ATL1: variants seen among roughly 807,000 people sequenced by gnomAD.
ATL1 encodes the protein atlastin-1.
ATL1 carries 31 observed loss-of-function variants against 75.5 expected under a neutral mutation model. That is an observed-to-expected ratio of 0.41 (90% CI 0.31 to 0.55). The LOEUF is 0.55. Ranked by LOEUF, ATL1 falls within the 20% of genes least tolerant of loss-of-function variation. The pLI is 0.27. For synonymous variants in ATL1, 226 were observed against 233.3 expected, an observed-to-expected ratio of 0.97 and a Z score of 0.28; for missense variants, 405 against 662.6, an observed-to-expected ratio of 0.61 and a Z score of 4.27.
chr14:50,544,506 G>A (rs567606513), intron 1 of ATL1, among the ~76,000 whole-genome samples: 42 of 152,280 alleles, frequency 2.8e-4, no homozygotes, highest in Non-Finnish European at 4.6e-4. Context: ...GTGCTTCTAG[G>A]AAGGTTTTCC....
At chr14:50,624,540 T>C (rs1462412875) in intron 11 of ATL1, among the ~76,000 whole-genome samples, 1 of 151,974 alleles carries the variant, frequency 6.6e-6, no homozygotes, top group East Asian at 1.9e-4. Context: ...TCTGCAGTCC[T>C]TTCTTTTACC....
chr14:50,567,028 T>C (rs1248342895), intron 1 of ATL1, among the ~76,000 whole-genome samples: 1 of 152,214 alleles, frequency 6.6e-6, no homozygotes, highest in Non-Finnish European at 1.5e-5. Context: ...GTGATACTAG[T>C]ACACAAGTAA....
At chr14:50,603,378 A>G (rs2039288840) in intron 6 of ATL1, among the ~76,000 whole-genome samples, 1 of 152,218 alleles carries the variant, frequency 6.6e-6, no homozygotes, top group African/African-American at 2.4e-5. Context: ...AGATAAAGGT[A>G]AAAACTCAAT....
intron 1 of ATL1, among the ~76,000 whole-genome samples, chr14:50,582,590 G>GTT (rs35684925): frequency 2.9e-5 from 4 of 139,724 alleles, no homozygotes; most frequent in Admixed American, 7.2e-5. Context: ...TTGTGTTGTT[G>GTT]TTTTTTTTTT....
chr14:50,579,227 T>C (rs147461174), intron 1 of ATL1, among the ~76,000 whole-genome samples: 3 of 152,182 alleles, frequency 2.0e-5, no homozygotes, highest in Non-Finnish European at 2.9e-5. Flanking sequence ...ATTCAATGGA[T>C]TTAGCATCAT....
chr14:50,628,713 C>A, intron 12 of ATL1: 1 of 549,022 alleles, frequency 1.8e-6, no homozygotes, highest in Non-Finnish European at 3.4e-6. Flanking sequence ...AGTATATATA[C>A]TTTTTTTTCT....
intron 13 of ATL1, among the ~76,000 whole-genome samples, chr14:50,631,839 C>T (rs1345151011): frequency 6.6e-6 from 1 of 152,180 alleles, no homozygotes; most frequent in East Asian, 1.9e-4. Flanking sequence ...GCCCAGAAAG[C>T]AAGTAGCCTA....
chr14:50,542,212 A>G (rs1030174683), intron 1 of ATL1, among the ~76,000 whole-genome samples: 1 of 147,570 alleles, frequency 6.8e-6, no homozygotes, highest in African/African-American at 2.5e-5. Context: ...GTTCTCACTC[A>G]TAAGTGAGAG....
chr14:50,586,325 A>C (rs1302771127), intron 1 of ATL1, among the ~76,000 whole-genome samples: 1 of 152,204 alleles, frequency 6.6e-6, no homozygotes, highest in Non-Finnish European at 1.5e-5. Flanking sequence ...CAGCTGGATG[A>C]GATGAGACTG....
intron 1 of ATL1, among the ~76,000 whole-genome samples, chr14:50,576,937 G>A (rs950871130): frequency 4.6e-5 from 7 of 151,032 alleles, no homozygotes; most frequent in Admixed American, 3.9e-4. Context: ...CAAATAATGA[G>A]TCGAGTACAT....
rs763509651 is a variant in ATL1, at chr14:50,632,211, T to C, written c.1567-18T>C. 15 of 1,571,834 alleles carry C rather than the reference T, an allele frequency of 9.5e-6. No homozygotes were observed. The highest frequency in any genetic ancestry group is 1.3e-5 in the Non-Finnish European group (15 of 1,149,448). On this transcript the variant is annotated intron_variant, in intron 13 of 13. Transcript: ENST00000358385. ...GTGTTTAATAAAATGTTTTATAATT[T>C]TGATGCTTTTATTCTAGGCTTTGTA...
chr14:50,596,653 T>C (rs1038063365), intron 6 of ATL1, among the ~76,000 whole-genome samples: 1 of 152,210 alleles, frequency 6.6e-6, no homozygotes, highest in Non-Finnish European at 1.5e-5. Context: ...TAGGACAATT[T>C]AGTTAAAAGT....
rs148009228 is a variant in ATL1 at position 50,612,522 on chromosome 14, C to T, written c.631-737C>T. Among the ~76,000 whole-genome samples, 1,032 of 152,256 alleles carry T rather than the reference C, an allele frequency of 6.8e-3. 15 individuals carry two copies. Among genetic ancestry groups the T allele is most frequent in the African/African-American group, 0.023 (963 of 41,570 alleles). On this transcript the variant is annotated intron_variant, in intron 6 of 13. Transcript: ENST00000358385. ...CTTCTAATGGTAAAAAAATCATTTA[C>T]TTGAAATTCAGCAGTATTTTAAATG... is the stretch of plus-strand genomic sequence containing the variant.
At chr14:50,538,939 C>T (rs923606910) in intron 1 of ATL1, among the ~76,000 whole-genome samples, 2 of 152,202 alleles carry the variant, frequency 1.3e-5, no homozygotes, top group African/African-American at 2.4e-5. Context: ...CCTACCTCAG[C>T]CTCCCAAGTA....
At chr14:50,588,422 G>A (rs1367490566) in intron 2 of ATL1, among the ~76,000 whole-genome samples, 1 of 151,904 alleles carries the variant, frequency 6.6e-6, no homozygotes, top group Non-Finnish European at 1.5e-5. Flanking sequence ...CCAACATTTA[G>A]TATGAAATAT....
chr14:50,561,989 A>T (rs1174721221), intron 1 of ATL1, among the ~76,000 whole-genome samples: 2 of 152,086 alleles, frequency 1.3e-5, no homozygotes, highest in East Asian at 3.9e-4. Context: ...CTGAGGATTA[A>T]AATTTTTCTC....
chr14:50,610,679 TA>T (rs2039357613), intron 6 of ATL1, among the ~76,000 whole-genome samples: 1 of 152,060 alleles, frequency 6.6e-6, no homozygotes, highest in Non-Finnish European at 1.5e-5. Context: ...AATTGATAAT[TA>T]AAAAATGAGA....
intron 6 of ATL1, among the ~76,000 whole-genome samples, chr14:50,606,912 T>A (rs1465200354): frequency 1.3e-5 from 2 of 152,184 alleles, no homozygotes; most frequent in East Asian, 3.9e-4. Context: ...AAGAACTTTA[T>A]ACAAAAATTA....
At chr14:50,542,188 G>C (rs2038572631) in intron 1 of ATL1, among the ~76,000 whole-genome samples, 1 of 150,496 alleles carries the variant, frequency 6.6e-6, no homozygotes, top group African/African-American at 2.5e-5. Context: ...TAGAAATTGG[G>C]AGTTACCCTG....
Sources: allele counts gnomAD v4.1 joint callset (sites outside exome capture counted in the v4.1 genomes callset), GRCh38; gene constraint gnomAD v4.1.1; transcripts MANE v1.5; gene names NCBI Gene and HGNC (gene_info 2026-07-23, HGNC 2026-07-21).